The following BCKDHB variants were observed in gnomAD, a reference collection of about 807,000 sequenced individuals.
The protein encoded by BCKDHB is branched chain keto acid dehydrogenase E1 subunit beta.
In BCKDHB, 41 loss-of-function variants were observed where a neutral mutation model predicts 48.5. The ratio of observed to expected loss-of-function variants is 0.85; its 90% CI spans 0.66 to 1.10. The LOEUF is 1.10. Among genes scored for constraint, BCKDHB ranks in the 50% least tolerant of loss-of-function variants. The probability of loss-of-function intolerance (pLI) is 0.00; values close to 1 mark genes in which losing one functional copy is unlikely to be tolerated. For synonymous variants in BCKDHB, 201 were observed against 174.8 expected (o/e 1.15, Z -1.18); for missense variants, 496 against 494.2 (o/e 1.00, Z -0.03).
intron 8 of BCKDHB, among the ~76,000 whole-genome samples, chr6:80,224,480 C>A (rs2127869574): frequency 6.6e-6 from 1 of 152,198 alleles, no homozygotes; most frequent in East Asian, 1.9e-4. Context: ...GCAACCTCTG[C>A]CTCCCAGGCT....
the BCKDHB span, among the ~76,000 whole-genome samples, chr6:80,415,597 A>C: frequency 7.9e-5 from 12 of 152,204 alleles, no homozygotes; most frequent in African/African-American, 2.9e-4. Context: ...ATGTTGAACC[A>C]AACTTGCATC....
intron 3 of BCKDHB, among the ~76,000 whole-genome samples, chr6:80,158,453 A>G (rs970285157): frequency 7.9e-5 from 12 of 152,170 alleles, no homozygotes; most frequent in African/African-American, 2.9e-4. Context: ...TTGTTGTAGG[A>G]TAATTATAAT....
intron 9 of BCKDHB, chr6:80,307,437 A>G (rs1582543220): frequency 2.0e-6 from 2 of 985,280 alleles, no homozygotes; most frequent in Non-Finnish European, 2.4e-6. Flanking sequence ...CCCTCTGTCA[A>G]TATTCTGTGC....
chr6:80,446,018 G>A, the BCKDHB span, among the ~76,000 whole-genome samples: 24 of 152,186 alleles, frequency 1.6e-4, no homozygotes, highest in African/African-American at 5.8e-4. Flanking sequence ...TACAGCTGAT[G>A]TGTAAGGTAT....
intron 1 of BCKDHB, among the ~76,000 whole-genome samples, chr6:80,113,244 A>G (rs1409959034): frequency 6.6e-6 from 1 of 152,230 alleles, no homozygotes; most frequent in African/African-American, 2.4e-5. Context: ...AAAGATAGAA[A>G]AGAGTCCTCT....
At chr6:80,463,997 GCA>G in the BCKDHB span, among the ~76,000 whole-genome samples, 1 of 151,952 alleles carries the variant, frequency 6.6e-6, no homozygotes. Flanking sequence ...ATCCTTCAAA[GCA>G]CAGTCTCTGG....
chr6:80,227,410 A>T (rs1361123679), intron 8 of BCKDHB, among the ~76,000 whole-genome samples: 1 of 152,158 alleles, frequency 6.6e-6, no homozygotes, highest in African/African-American at 2.4e-5. Context: ...TTAAAATTGC[A>T]TTGGGATTAT....
At chr6:80,140,985 T>C (rs915441846) in intron 3 of BCKDHB, among the ~76,000 whole-genome samples, 1 of 152,198 alleles carries the variant, frequency 6.6e-6, no homozygotes, top group Non-Finnish European at 1.5e-5. Flanking sequence ...TTTCAGCTCC[T>C]GTTATTGGTC....
the BCKDHB span, among the ~76,000 whole-genome samples, chr6:80,439,270 G>T: frequency 6.6e-6 from 1 of 152,074 alleles, no homozygotes; most frequent in East Asian, 1.9e-4. Context: ...GTGGAACTCA[G>T]TCGCATTTAC....
At chr6:80,157,375 AT>A (rs1178963705) in intron 3 of BCKDHB, among the ~76,000 whole-genome samples, 2 of 151,190 alleles carry the variant, frequency 1.3e-5, no homozygotes, top group African/African-American at 4.9e-5. Flanking sequence ...TTCATTTTTC[AT>A]TCATTCATAC....
intron 8 of BCKDHB, among the ~76,000 whole-genome samples, chr6:80,205,192 G>C (rs1774585413): frequency 6.6e-6 from 1 of 152,006 alleles, no homozygotes; most frequent in South Asian, 2.1e-4. Context: ...TGATTTTAAA[G>C]AAGAGGGCCC....
intron 8 of BCKDHB, among the ~76,000 whole-genome samples, chr6:80,224,889 T>C (rs1253343929): frequency 1.3e-5 from 2 of 152,194 alleles, no homozygotes. Flanking sequence ...GGTGACACCC[T>C]GACAGATGGT....
At chr6:80,109,768 C>G (rs1769317844) in intron 1 of BCKDHB, among the ~76,000 whole-genome samples, 1 of 152,152 alleles carries the variant, frequency 6.6e-6, no homozygotes, top group South Asian at 2.1e-4. Flanking sequence ...CATAGCTGCT[C>G]TTTTCCAGGT....
intron 6 of BCKDHB, among the ~76,000 whole-genome samples, chr6:80,191,946 A>G (rs868234891): frequency 1.3e-5 from 2 of 152,204 alleles, no homozygotes; most frequent in Non-Finnish European, 1.5e-5. Flanking sequence ...GTGCTTGGTG[A>G]CACAGAAAAT....
At chr6:80,219,670 C>T (rs1027389951) in intron 8 of BCKDHB, among the ~76,000 whole-genome samples, 2 of 152,158 alleles carry the variant, frequency 1.3e-5, no homozygotes, top group Non-Finnish European at 2.9e-5. Flanking sequence ...TGTTGGAGTA[C>T]ATTCATAATT....
intron 8 of BCKDHB, among the ~76,000 whole-genome samples, chr6:80,208,370 A>C (rs1774766597): frequency 6.6e-6 from 1 of 151,800 alleles, no homozygotes; most frequent in Non-Finnish European, 1.5e-5. Flanking sequence ...ATATAAATTT[A>C]GGAAATAGGA....
chr6:80,447,610 CT>C, the BCKDHB span, among the ~76,000 whole-genome samples: 1 of 152,100 alleles, frequency 6.6e-6, no homozygotes, highest in African/African-American at 2.4e-5. Flanking sequence ...GCTCTCCTGC[CT>C]AACCCTTTTG....
At chr6:80,202,994 G>GT in intron 7 of BCKDHB, 108 bp from the exon 8 acceptor site, 1 of 809,564 alleles carries the variant, frequency 1.2e-6, no homozygotes, top group Non-Finnish European at 2.2e-6. Context: ...ATGCAGATCA[G>GT]TTCCTGAGAC....
chr6:80,269,503 C>G (rs1346775804), intron 8 of BCKDHB, among the ~76,000 whole-genome samples: 3 of 151,994 alleles, frequency 2.0e-5, no homozygotes, highest in Non-Finnish European at 4.4e-5. Context: ...CTTCAATTGG[C>G]TTAGCTTTCC....
Sources: gnomAD v4.1 joint callset for allele counts (sites outside exome capture counted in the v4.1 genomes callset) on GRCh38, gnomAD v4.1.1 for gene constraint, MANE v1.5 for transcripts, NCBI Gene and HGNC (gene_info 2026-07-23, HGNC 2026-07-21) for gene names.